The following GALNT14 variants were observed in gnomAD, a reference collection of about 807,000 sequenced individuals.
GALNT14 encodes polypeptide N-acetylgalactosaminyltransferase 14.
In GALNT14, 60 loss-of-function variants were observed where a neutral mutation model predicts 77.5. That is an observed-to-expected ratio of 0.77 (90% CI 0.63 to 0.96). The LOEUF is 0.96. Ranked by LOEUF, GALNT14 falls within the 40% of genes least tolerant of loss-of-function variation. GALNT14 has a pLI of 0.00. For synonymous variants in GALNT14, 280 were observed against 281.7 expected, an observed-to-expected ratio of 0.99 and a Z score of 0.06; for missense variants, 710 against 731.0, an observed-to-expected ratio of 0.97 and a Z score of 0.33.
At chr2:31,060,114 G>A (rs56242521) in intron 1 of GALNT14, among the ~76,000 whole-genome samples, 5,196 of 152,274 alleles carry the variant, frequency 0.034, 295 homozygotes, top group African/African-American at 0.12. Context: ...CTCGACAGGT[G>A]AAGAGACCAA....
rs557269834 is a variant in GALNT14 at position 30,933,000 on chromosome 2, A to AG, written c.932-807dup. On this transcript the variant is annotated intron_variant, in intron 9 of 14. Transcript: ENST00000349752. ...GAGGTGGGTGGGATGGAGTTAGCAG[A>AG]GGCGGCTGTGGTGAGTGTATTTCTC... 1.2e-4 allele frequency among the ~76,000 whole-genome samples: 18 copies of AG among 152,236 alleles called. No individual in the cohort carries two copies. In the East Asian group the frequency reaches 3.3e-3, roughly 28 times the overall value.
intron 1 of GALNT14, among the ~76,000 whole-genome samples, chr2:31,121,224 G>A (rs914069447): frequency 6.6e-6 from 1 of 152,234 alleles, no homozygotes; most frequent in Non-Finnish European, 1.5e-5. Context: ...AATCTAGACA[G>A]GCAAGATGAC....
At chr2:30,929,573 G>A (rs1665603972) in intron 10 of GALNT14, 86 bp from the exon 11 acceptor site, 2 of 959,984 alleles carry the variant, frequency 2.1e-6, no homozygotes, top group East Asian at 2.6e-5. Flanking sequence ...ACATGTGTGG[G>A]CTGAGTTGGC....
intron 1 of GALNT14, among the ~76,000 whole-genome samples, chr2:31,015,997 A>G (rs1671326741): frequency 6.6e-6 from 1 of 152,138 alleles, no homozygotes; most frequent in Non-Finnish European, 1.5e-5. Flanking sequence ...GGAGATGATG[A>G]GAGTCACAAA....
intron 9 of GALNT14, among the ~76,000 whole-genome samples, 173 bp from the exon 10 acceptor site, chr2:30,932,367 T>A (rs796373355): frequency 5.9e-5 from 9 of 152,324 alleles, no homozygotes; most frequent in African/African-American, 2.2e-4. Context: ...TAAATGGGAA[T>A]AGTCCTACCA....
At chr2:30,908,529 C>T (rs1170906341), downstream of GALNT14, among the ~76,000 whole-genome samples, 1 of 145,878 alleles carries the variant, frequency 6.9e-6, no homozygotes, top group Non-Finnish European at 1.5e-5. Flanking sequence ...TCAAGGAGAA[C>T]TACAAACCAC....
rs576792460 is a variant in GALNT14, at chr2:30,936,688, A to G, written c.932-4494T>C. ...AAGTTCTGTTATTACTCTTTAATGA[A>G]TGAAGGGACTTGGGTAGAGATAATC... On this transcript the variant is annotated intron_variant, in intron 9 of 14. Transcript: ENST00000349752. 3.9e-5 allele frequency among the ~76,000 whole-genome samples: 6 copies of G among 152,288 alleles called. No homozygotes were observed. The South Asian group carries it at 1.2e-3, about 32-fold the overall frequency.
At chr2:30,913,975 T>C (rs904182527) in intron 13 of GALNT14, among the ~76,000 whole-genome samples, 2 of 152,148 alleles carry the variant, frequency 1.3e-5, no homozygotes, top group African/African-American at 4.8e-5. Flanking sequence ...GACCATCACA[T>C]TCTACACATC....
intron 2 of GALNT14, among the ~76,000 whole-genome samples, chr2:30,990,641 C>T (rs1669638843): frequency 6.6e-6 from 1 of 152,224 alleles, no homozygotes; most frequent in Non-Finnish European, 1.5e-5. Flanking sequence ...ACAGTGCTAG[C>T]CTGGGGCTTT....
rs12611992 is a variant in GALNT14 at position 30,928,773 on chromosome 2, T to C, written c.1151+622A>G. Among the ~76,000 whole-genome samples the C allele has an allele frequency of 4.1e-3, 623 of 152,108 alleles. 18 individuals are homozygous for C. In the East Asian group the frequency reaches 0.078, roughly 19 times the overall value. On this transcript the variant is annotated intron_variant, in intron 11 of 14. Coordinates refer to ENST00000349752, the MANE Select transcript of GALNT14 (RefSeq NM_024572.4). ...CTGGGACTACAGGTGCCCGCCACCA[T>C]GCCCAGCTAATTTTTGTATTTTTAG...
At chr2:30,945,925 A>T in intron 6 of GALNT14, 55 bp from the exon 7 acceptor site, 1 of 1,512,044 alleles carries the variant, frequency 6.6e-7, no homozygotes, top group Non-Finnish European at 9.2e-7. Context: ...GCTGGGAGTC[A>T]GGGAGCTTGG....
chr2:31,024,424 C>T (rs907600137), intron 1 of GALNT14, among the ~76,000 whole-genome samples: 15 of 152,228 alleles, frequency 9.9e-5, no homozygotes, highest in Admixed American at 9.8e-4. Flanking sequence ...AAGTCCCCTC[C>T]TACTGCTCTC....
intron 3 of GALNT14, among the ~76,000 whole-genome samples, chr2:30,962,658 T>C (rs368170810): frequency 1.3e-5 from 2 of 152,214 alleles, no homozygotes; most frequent in African/African-American, 2.4e-5. Context: ...GTGTGCCCGA[T>C]TGAGCCTCTA....
At chr2:30,938,168 C>T (rs894971444) in intron 9 of GALNT14, among the ~76,000 whole-genome samples, 8 of 151,890 alleles carry the variant, frequency 5.3e-5, no homozygotes, top group South Asian at 2.1e-4. Context: ...TCTCTCTTCT[C>T]GGCAGCCTTT....
Position 30,962,130 on chromosome 2 carries a change from C to T in GALNT14, c.399-3666G>A, listed in dbSNP as rs373171105. 1.1e-4 allele frequency among the ~76,000 whole-genome samples: 16 copies of T among 152,294 alleles called. No individual in the cohort carries two copies. The East Asian group carries it at 1.5e-3, about 15-fold the overall frequency. On this transcript the variant is annotated intron_variant, in intron 3 of 14. Coordinates refer to ENST00000349752, the MANE Select transcript of GALNT14 (RefSeq NM_024572.4). ...GCCAGGGCTGGAGGCTCACAATATA[C>T]ACCTGTTGTCACCGCTCAGGCTCAC...
chr2:30,932,124 G>C lies in GALNT14; in HGVS notation c.1002C>G (p.Val334=), dbSNP rs34910566. Residue 334 remains valine, a synonymous_variant, in exon 10 of 15, where the codon GTC becomes GTG. Coordinates refer to ENST00000349752, the MANE Select transcript of GALNT14 (RefSeq NM_024572.4). ...EIVPCSRVGH[V]FRKKHPYVFP... ...AAACGTAGGGGTGCTTCTTCCGGAA[G>C]ACGTGCCCCACTCGGCTGCAGGGGA... 10,719 of 1,575,508 alleles carry C rather than the reference G, an allele frequency of 6.8e-3. 122 individuals are homozygous for C. The highest frequency in any genetic ancestry group is 0.031 in the South Asian group (2,629 of 85,912).
chr2:30,889,359 T>TC, the GALNT14 span, among the ~76,000 whole-genome samples: 111 of 152,306 alleles, frequency 7.3e-4, no homozygotes, highest in Middle Eastern at 6.8e-3. Flanking sequence ...CAGCTCCTCC[T>TC]CCCATTGCTG....
chr2:30,983,616 A>C (rs1392212759), intron 2 of GALNT14, among the ~76,000 whole-genome samples: 1 of 152,242 alleles, frequency 6.6e-6, no homozygotes, highest in Admixed American at 6.5e-5. Context: ...CATTTGGCCC[A>C]GATGGCAGAA....
intron 1 of GALNT14, among the ~76,000 whole-genome samples, chr2:31,072,485 AT>A (rs1223373961): frequency 1.3e-5 from 2 of 148,696 alleles, no homozygotes; most frequent in African/African-American, 5.0e-5. Context: ...TCCTTCTCTC[AT>A]TTCCTTTCTG....
Sources: gnomAD v4.1 joint callset for allele counts (sites outside exome capture counted in the v4.1 genomes callset) on GRCh38, gnomAD v4.1.1 for gene constraint, MANE v1.5 for transcripts, NCBI Gene and HGNC (gene_info 2026-07-23, HGNC 2026-07-21) for gene names.